OR10R2: variants seen among roughly 807,000 people sequenced by gnomAD.
OR10R2 encodes the protein olfactory receptor 10R2.
OR10R2 carries 1 observed loss-of-function variant against 2.4 expected under a neutral mutation model. The observed-to-expected ratio is 0.41, with a 90% CI of 0.15 to 1.95. OR10R2 has a LOEUF of 1.95. Ranked by LOEUF, OR10R2 falls within the 30% of genes most tolerant of loss-of-function variation. The pLI is 0.30. For synonymous variants in OR10R2, 166 were observed against 144.8 expected, an observed-to-expected ratio of 1.15 and a Z score of -1.05; for missense variants, 419 against 373.0, an observed-to-expected ratio of 1.12 and a Z score of -1.01.
At chr1:158,480,660 C>T (rs753353295) in exon 2 of OR10R2, 15 of 1,613,728 alleles carry the variant, frequency 9.3e-6, no homozygotes, top group East Asian at 6.7e-5. Context: ...TTTCCACCTG[C>T]GCCTCTCACC....
At chr1:158,475,776 T>C (rs766636982) in intron 1 of OR10R2, among the ~76,000 whole-genome samples, 31 of 151,766 alleles carry the variant, frequency 2.0e-4, no homozygotes, top group Admixed American at 3.3e-4. Context: ...TGTTTACGTT[T>C]AGCTTTTCAA....
At chr1:158,474,894 A>G (rs1173521895) in intron 1 of OR10R2, among the ~76,000 whole-genome samples, 1 of 152,194 alleles carries the variant, frequency 6.6e-6, no homozygotes, top group African/African-American at 2.4e-5. Context: ...AAGTTTCAAA[A>G]TCACTGTCTT....
At chr1:158,480,249 C>A in exon 2 of OR10R2, 1 of 1,614,090 alleles carries the variant, frequency 6.2e-7, no homozygotes, top group Non-Finnish European at 8.5e-7. Flanking sequence ...TGTTCTTCTT[C>A]CTTGGTTTTG....
At chr1:158,476,850 A>T (rs994240463) in intron 1 of OR10R2, among the ~76,000 whole-genome samples, 1 of 152,132 alleles carries the variant, frequency 6.6e-6, no homozygotes. Flanking sequence ...AGCATTTTTC[A>T]TAAGTTTCAT....
intron 1 of OR10R2, 62 bp from the exon 2 acceptor site, chr1:158,479,876 G>T (rs1656346263): frequency 2.5e-6 from 4 of 1,576,906 alleles, no homozygotes; most frequent in Non-Finnish European, 3.5e-6. Flanking sequence ...ACAAAGGAGT[G>T]CATGCCCCAA....
intron 1 of OR10R2, among the ~76,000 whole-genome samples, chr1:158,477,942 T>A (rs1192780241): frequency 1.4e-4 from 21 of 152,202 alleles, no homozygotes. Flanking sequence ...AGCATGGTTC[T>A]GGTGCAAATA....
At chr1:158,479,880 G>A (rs1656346302) in intron 1 of OR10R2, 58 bp from the exon 2 acceptor site, 1 of 1,591,438 alleles carries the variant, frequency 6.3e-7, no homozygotes. Flanking sequence ...AGGAGTGCAT[G>A]CCCCAAATTC....
chr1:158,476,184 G>A (rs1395695430), intron 1 of OR10R2, among the ~76,000 whole-genome samples: 2 of 151,772 alleles, frequency 1.3e-5, no homozygotes, highest in East Asian at 1.9e-4. Context: ...TATGATTTTC[G>A]TATGATTTTA....
chr1:158,475,530 T>G (rs1241127340), intron 1 of OR10R2, among the ~76,000 whole-genome samples: 1 of 151,990 alleles, frequency 6.6e-6, no homozygotes, highest in East Asian at 1.9e-4. Flanking sequence ...ATATGTTTGA[T>G]GCATTCTATT....
At chr1:158,480,650 T>G (rs575278446) in exon 2 of OR10R2, 1 of 1,613,986 alleles carries the variant, frequency 6.2e-7, no homozygotes, top group African/African-American at 1.3e-5. Context: ...CGGAAAGCGT[T>G]TTCCACCTGC....
intron 1 of OR10R2, among the ~76,000 whole-genome samples, chr1:158,472,676 G>C (rs1289956087): frequency 3.9e-5 from 6 of 152,292 alleles, no homozygotes; most frequent in South Asian, 4.1e-4. Context: ...TTCAGAAATT[G>C]TTGAGATTTT....
chr1:158,473,790 CTTTCCCTCTCTG>C (rs200033909), intron 1 of OR10R2, among the ~76,000 whole-genome samples: 5,005 of 52,560 alleles, frequency 0.095, 163 homozygotes, highest in East Asian at 0.15. Context: ...CTCCTTCCCT[CTTTCCCTCTCTG>C]CTTCCTTCCT....
chr1:158,480,192 A>G (rs769359859), exon 2 of OR10R2: 30 of 1,613,864 alleles, frequency 1.9e-5, no homozygotes, highest in Non-Finnish European at 2.3e-5. Context: ...TCATCAATCT[A>G]CTTTCTGTGG....
chr1:158,479,485 ATTG>A (rs1348001662), intron 1 of OR10R2, among the ~76,000 whole-genome samples: 1 of 152,066 alleles, frequency 6.6e-6, no homozygotes, highest in Middle Eastern at 3.2e-3. Context: ...TGTGAATTGA[ATTG>A]TTTTCTTAAT....
At chr1:158,474,528 GA>G (rs1656234838) in intron 1 of OR10R2, 1 of 152,174 alleles carries the variant, frequency 6.6e-6, no homozygotes, top group Admixed American at 6.5e-5. Flanking sequence ...TCTGGCTCTA[GA>G]GAGGAATCAG....
intron 1 of OR10R2, among the ~76,000 whole-genome samples, chr1:158,476,398 A>C (rs1360471492): frequency 6.6e-6 from 1 of 151,922 alleles, no homozygotes; most frequent in East Asian, 1.9e-4. Context: ...GTACAAAAAA[A>C]TTAGCTGGGC....
At chr1:158,480,649 T>C in exon 2 of OR10R2, 1 of 1,613,916 alleles carries the variant, frequency 6.2e-7, no homozygotes, top group Non-Finnish European at 8.5e-7. Flanking sequence ...ACGGAAAGCG[T>C]TTTCCACCTG....
chr1:158,479,896 T>A (rs1474429011), intron 1 of OR10R2, 42 bp from the exon 2 acceptor site: 1 of 1,608,282 alleles, frequency 6.2e-7, no homozygotes, highest in East Asian at 2.2e-5. Context: ...AATTCTTATA[T>A]TCACATACCT....
exon 2 of OR10R2, chr1:158,480,389 G>A (rs1656368715): frequency 6.2e-7 from 1 of 1,614,088 alleles, no homozygotes; most frequent in African/African-American, 1.3e-5. Context: ...TGTGCAATTG[G>A]TGGCTTCTTG....
Sources: gnomAD v4.1 joint callset for allele counts (sites outside exome capture counted in the v4.1 genomes callset) on GRCh38, gnomAD v4.1.1 for gene constraint, MANE v1.5 for transcripts, NCBI Gene and HGNC (gene_info 2026-07-23, HGNC 2026-07-21) for gene names.